Variants in PPA1 observed in about 807,000 individuals in gnomAD.
PPA1 encodes the protein inorganic pyrophosphatase 1, also known as inorganic pyrophosphatase.
PPA1 carries 23 observed loss-of-function variants against 41.8 expected under a neutral mutation model. The ratio of observed to expected loss-of-function variants is 0.55; its 90% CI spans 0.40 to 0.78. The LOEUF (loss-of-function observed/expected upper bound fraction) is 0.78, where lower values mean the gene tolerates loss of function less well. Ranked by LOEUF, PPA1 falls within the 30% of genes least tolerant of loss-of-function variation. The probability of loss-of-function intolerance (pLI) is 0.00; values close to 1 mark genes in which losing one functional copy is unlikely to be tolerated. For synonymous variants in PPA1, 101 were observed against 116.8 expected (o/e 0.86, Z 0.87); for missense variants, 320 against 361.6 (o/e 0.89, Z 0.93).
chr10:70,211,095 T>C (rs1840014116), intron 6 of PPA1, among the ~76,000 whole-genome samples: 1 of 152,184 alleles, frequency 6.6e-6, no homozygotes, highest in African/African-American at 2.4e-5. Context: ...GCATAAAGAA[T>C]AGCATGCATT....
intron 7 of PPA1, 62 bp downstream of exon 7, chr10:70,209,496 T>C (rs1839990202): frequency 6.6e-7 from 1 of 1,513,526 alleles, no homozygotes; most frequent in Non-Finnish European, 8.9e-7. Flanking sequence ...GGTAACAATA[T>C]GGTTAAATTA....
intron 2 of PPA1, among the ~76,000 whole-genome samples, chr10:70,228,926 G>A (rs1303390893): frequency 6.6e-6 from 1 of 152,178 alleles, no homozygotes; most frequent in Non-Finnish European, 1.5e-5. Flanking sequence ...TATTCTAGAC[G>A]TGCACTGCAA....
At chr10:70,225,195 C>T (rs1282544871) in intron 2 of PPA1, among the ~76,000 whole-genome samples, 2 of 152,018 alleles carry the variant, frequency 1.3e-5, no homozygotes, top group Non-Finnish European at 2.9e-5. Context: ...ACAAAAATCA[C>T]CCTGTGGTCC....
At chr10:70,208,066 TG>T (rs34362932) in intron 8 of PPA1, among the ~76,000 whole-genome samples, 6,124 of 152,218 alleles carry the variant, frequency 0.04, 169 homozygotes, top group Non-Finnish European at 0.063. Flanking sequence ...GGCATGCGCC[TG>T]TAATCCCAGC....
At chr10:70,229,893 C>T (rs1840269565) in intron 2 of PPA1, among the ~76,000 whole-genome samples, 1 of 151,866 alleles carries the variant, frequency 6.6e-6, no homozygotes, top group Non-Finnish European at 1.5e-5. Flanking sequence ...AGTTTTAAGA[C>T]TAACTTCTTA....
At position 70,209,595 on chromosome 10, in the gene PPA1, T is replaced by G; in HGVS notation, c.602A>C (p.Glu201Ala). The G allele has an allele frequency of 6.2e-7, 1 of 1,606,520 alleles. No homozygotes were observed. Among genetic ancestry groups the G allele is most frequent in the African/African-American group, 1.3e-5 (1 of 74,596 alleles). Residue 201 changes from glutamate (E) to alanine (A), a missense_variant, in exon 7 of 11, where the codon GAA becomes GCA. By Grantham distance (107) the Glu-to-Ala change is moderately radical. Coordinates refer to ENST00000373232, the MANE Select transcript of PPA1 (RefSeq NM_021129.4). ...TTCTGCATTAAACGCAAACTCATTT[T>G]CTGGTTTTCCATCAGGAACCTTATA... ...RRYKVPDGKP[E>A]NEFAFNAEFK...
intron 2 of PPA1, among the ~76,000 whole-genome samples, chr10:70,228,839 A>G (rs913098422): frequency 6.6e-6 from 1 of 152,190 alleles, no homozygotes; most frequent in African/African-American, 2.4e-5. Context: ...TAGAAGTGCA[A>G]TGAATGTGTC....
At chr10:70,225,224 ATTTATTTATTTAGAGACAGAGTC>A (rs1437545209) in intron 2 of PPA1, among the ~76,000 whole-genome samples, 1 of 151,210 alleles carries the variant, frequency 6.6e-6, no homozygotes, top group African/African-American at 2.4e-5. Context: ...TTATTTATTT[ATTTATTTATTTAGAGACAGAGTC>A]TCACCTGTCA....
intron 2 of PPA1, among the ~76,000 whole-genome samples, chr10:70,223,927 G>A (rs933119241): frequency 6.6e-6 from 1 of 152,052 alleles, no homozygotes; most frequent in Non-Finnish European, 1.5e-5. Flanking sequence ...CCATGCTTTG[G>A]AGTCTCAGTC....
intron 6 of PPA1, 88 bp downstream of exon 6, chr10:70,213,363 CAGTTTGAAGGTA>C (rs909244112): frequency 7.3e-7 from 1 of 1,368,398 alleles, no homozygotes; most frequent in Non-Finnish European, 1.0e-6. Flanking sequence ...CATCCTTTAA[CAGTTTGAAGGTA>C]AGGGCTTACA....
At chr10:70,220,823 T>TATATATATAATTCTTATATATATA (rs1564584319) in intron 2 of PPA1, among the ~76,000 whole-genome samples, 415 of 4,196 alleles carry the variant, frequency 0.099, 151 homozygotes, top group African/African-American at 0.17. Flanking sequence ...TTATATATAT[T>TATATATATAATTCTTATATATATA]ATATATATAA....
At chr10:70,214,653 C>G in intron 4 of PPA1, 67 bp from the exon 5 acceptor site, 1 of 1,276,466 alleles carries the variant, frequency 7.8e-7, no homozygotes, top group Non-Finnish European at 1.1e-6. Flanking sequence ...TTGAGAATAA[C>G]AGATAACATC....
chr10:70,205,576 A>T (rs547179031), intron 9 of PPA1: 7 of 152,204 alleles, frequency 4.6e-5, no homozygotes, highest in African/African-American at 1.7e-4. Context: ...TTTCTTATTT[A>T]TCTCAACTTT....
intron 2 of PPA1, among the ~76,000 whole-genome samples, chr10:70,229,928 G>C (rs1358091041): frequency 6.8e-6 from 1 of 146,376 alleles, no homozygotes; most frequent in African/African-American, 2.5e-5. Context: ...CTTTTTTTTT[G>C]AGACAGGGTC....
chr10:70,233,418 T>G lies in PPA1; in HGVS notation c.-91A>C, dbSNP rs1454210873. On this transcript the variant is annotated 5_prime_UTR_variant, in exon 1 of 11. Coordinates refer to ENST00000373232, the MANE Select transcript of PPA1 (RefSeq NM_021129.4). ...AGGAGAGAGCCCCACGCCTGCGCAC[T>G]GCGAGCACTGGACCGGCGGGCGGGG... 3.9e-5 allele frequency: 58 copies of G among 1,474,058 alleles called. No homozygotes were observed. Among genetic ancestry groups the G allele is most frequent in the Non-Finnish European group, 4.9e-5 (55 of 1,117,644 alleles). The allele number at this position is 1,474,058 out of a possible 1,614,324, so 91.3% of individuals were successfully genotyped here.
chr10:70,227,618 A>T (rs777871877), intron 2 of PPA1, among the ~76,000 whole-genome samples: 1 of 142,260 alleles, frequency 7.0e-6, no homozygotes, highest in Non-Finnish European at 1.5e-5. Context: ...GCCACTGCAC[A>T]CCAGCCTGAG....
chr10:70,209,262 G>C lies in PPA1; in HGVS notation c.668C>G (p.Thr223Ser). 2 of 1,600,090 alleles carry C rather than the reference G, an allele frequency of 1.2e-6. No homozygotes were observed. The highest frequency in any genetic ancestry group is 1.7e-6 in the Non-Finnish European group (2 of 1,168,010). The change falls in exon 8 of 11, where the codon ACT (threonine) becomes AGT (serine). Residue 223 changes from threonine (T) to serine (S), a missense_variant. Physicochemically the swap from Thr to Ser is moderately conservative, Grantham distance 58. Transcript: ENST00000373232. ...KDFAIDIIKS[T>S]HDHWKALVTK... ...CACTAATGCTTTCCAATGGTCATGA[G>C]TGCTTTTAATAATATCAATGGCAAA...
In PPA1 at chr10:70,233,314, C is replaced by A. The variant is rs1453179070; in HGVS notation, c.14G>T (p.Ser5Ile). 4 of 1,540,360 alleles carry A rather than the reference C, an allele frequency of 2.6e-6. No individual in the cohort carries two copies. The highest frequency in any genetic ancestry group is 2.6e-6 in the Non-Finnish European group (3 of 1,143,976). Residue 5 changes from serine (S) to isoleucine (I), a missense_variant, in exon 1 of 11, where the codon AGC becomes ATC. By Grantham distance (142) the Ser-to-Ile change is moderately radical. Transcript: ENST00000373232. Reference protein sequence around the residue: MSGFSTEERAAPFSL... With the variant: MSGFITEERAAPFSL... Reference sequence around the variant, plus strand: ...GAAGGGCGCGGCGCGCTCCTCGGTGCTGAAGCCGCTCATAGTGCCGGAGTC... The same window carrying A: ...GAAGGGCGCGGCGCGCTCCTCGGTGATGAAGCCGCTCATAGTGCCGGAGTC...
chr10:70,231,265 A>G (rs1840287214), intron 1 of PPA1, among the ~76,000 whole-genome samples: 1 of 152,220 alleles, frequency 6.6e-6, no homozygotes, highest in Admixed American at 6.5e-5. Flanking sequence ...CATCCCTTCA[A>G]GTTTAAAAAT....
Sources: gnomAD v4.1 joint callset for allele counts (sites outside exome capture counted in the v4.1 genomes callset) on GRCh38, gnomAD v4.1.1 for gene constraint, MANE v1.5 for transcripts, NCBI Gene and HGNC (gene_info 2026-07-23, HGNC 2026-07-21) for gene names.